The following NCALD variants were observed in gnomAD, a reference collection of about 807,000 sequenced individuals.
The protein encoded by NCALD is neurocalcin delta.
Under a neutral mutation model 18.6 loss-of-function variants are expected in NCALD, and 10 were observed. That is an observed-to-expected ratio of 0.54 (90% CI 0.33 to 0.91). The LOEUF is 0.91. Among genes scored for constraint, NCALD ranks in the 40% least tolerant of loss-of-function variants. The probability of loss-of-function intolerance (pLI) is 0.03; values close to 1 mark genes in which losing one functional copy is unlikely to be tolerated. For missense variants in NCALD, 184 were observed against 247.6 expected, an observed-to-expected ratio of 0.74 and a Z score of 1.72; for synonymous variants, 88 against 87.4, an observed-to-expected ratio of 1.01 and a Z score of -0.04.
intron 1 of NCALD, among the ~76,000 whole-genome samples, chr8:102,112,481 T>TAA (rs541124396): frequency 3.4e-5 from 5 of 147,428 alleles, no homozygotes; most frequent in South Asian, 2.1e-4. Context: ...CAAACTGTGA[T>TAA]AAAAAAAAAA....
chr8:101,989,648 G>A (rs904541112), intron 2 of NCALD, among the ~76,000 whole-genome samples: 1 of 152,156 alleles, frequency 6.6e-6, no homozygotes, highest in African/African-American at 2.4e-5. Context: ...TTCTTAGATT[G>A]ACGGACTATA....
rs1228689096 is a variant in NCALD, at chr8:101,855,514, G to A, written c.-20+31627C>T. On this transcript the variant is annotated intron_variant, in intron 4 of 6. Transcript: ENST00000311028. The stretch of plus-strand genomic sequence containing the variant: ...TTCAATAAGCCACTGAGATTTGGGG[G>A]GCTGTTTGTTAGAGCAGCATAATAT... 2.0e-5 allele frequency among the ~76,000 whole-genome samples: 3 copies of A among 152,104 alleles called. No individual in the cohort carries two copies. In the East Asian group the frequency reaches 5.8e-4, roughly 29 times the overall value.
intron 1 of NCALD, among the ~76,000 whole-genome samples, chr8:102,117,682 C>G (rs530378733): frequency 6.6e-6 from 1 of 151,552 alleles, no homozygotes; most frequent in South Asian, 2.1e-4. Context: ...CATGTTGTCA[C>G]TCCCATCAAG....
At chr8:102,036,486 C>T (rs971588450) in intron 1 of NCALD, among the ~76,000 whole-genome samples, 23 of 151,528 alleles carry the variant, frequency 1.5e-4, no homozygotes, top group Admixed American at 1.1e-3. Context: ...ATCAAAACAA[C>T]ATAAGAGGCC....
chr8:101,998,821 A>G (rs2132015216), intron 2 of NCALD, among the ~76,000 whole-genome samples: 1 of 152,310 alleles, frequency 6.6e-6, no homozygotes, highest in South Asian at 2.1e-4. Context: ...CAGTGTAACC[A>G]GTTTTTAAAA....
intron 1 of NCALD, among the ~76,000 whole-genome samples, chr8:102,114,689 T>G (rs1413348775): frequency 6.6e-6 from 1 of 152,096 alleles, no homozygotes; most frequent in African/African-American, 2.4e-5. Flanking sequence ...CTCACTCTCC[T>G]CCCACCCTCC....
intron 2 of NCALD, among the ~76,000 whole-genome samples, chr8:102,000,706 C>A (rs1202001258): frequency 6.6e-6 from 1 of 152,216 alleles, no homozygotes; most frequent in Non-Finnish European, 1.5e-5. Flanking sequence ...GGCAACAACA[C>A]TTGCTGTTCA....
Position 101,742,857 on chromosome 8 carries a change from T to C in NCALD, c.-19-23209A>G, listed in dbSNP as rs747082345. On this transcript the variant is annotated intron_variant, in intron 1 of 3. Transcript: ENST00000220931. ...CCTGGACAGGCCCCAATATGTGTTG[T>C]TCCCCCTCCCCTGTGTCCCTGTGTT... Among the ~76,000 whole-genome samples, 39 of 152,188 alleles carry C rather than the reference T, an allele frequency of 2.6e-4. No homozygotes were observed. The Middle Eastern group carries it at 0.014, about 53-fold the overall frequency.
chr8:101,908,018 C>T (rs1348057389), intron 3 of NCALD, among the ~76,000 whole-genome samples: 1 of 152,126 alleles, frequency 6.6e-6, no homozygotes, highest in African/African-American at 2.4e-5. Flanking sequence ...ATTTTAACTA[C>T]ACAAGAATAG....
Position 101,987,803 on chromosome 8 carries a change from G to T in NCALD, c.-157+32434C>A, listed in dbSNP as rs1820871717. 4.6e-5 allele frequency among the ~76,000 whole-genome samples: 7 copies of T among 152,224 alleles called. No individual in the cohort carries two copies. In the South Asian group the frequency reaches 1.5e-3, roughly 32 times the overall value. ...AGCATAACCTAGATCAACAAGATCT[G>T]ACACACAGACTGACACAGTAGCACA... On this transcript the variant is annotated intron_variant, in intron 2 of 6. Transcript: ENST00000311028.
In NCALD at chr8:101,916,394, A is replaced by G. The variant is rs1586749379; in HGVS notation, c.-156-536T>C. On this transcript the variant is annotated intron_variant, in intron 2 of 6. Transcript: ENST00000311028. ...AGAAAGTTCTAAACATGGAAACAAA[A>G]GAATGATACTTGCTACCACAAAAGC... is the stretch of plus-strand genomic sequence containing the variant. Among the ~76,000 whole-genome samples the G allele has an allele frequency of 3.3e-5, 5 of 152,334 alleles. No homozygotes were observed. In the South Asian group the frequency reaches 1.0e-3, roughly 32 times the overall value.
chr8:101,993,827 C>T (rs950711843), intron 2 of NCALD, among the ~76,000 whole-genome samples: 4 of 152,188 alleles, frequency 2.6e-5, no homozygotes, highest in Admixed American at 6.5e-5. Flanking sequence ...CACTGTGCGA[C>T]GTGCTAAACT....
At chr8:101,879,019 T>C (rs1247303522) in intron 4 of NCALD, among the ~76,000 whole-genome samples, 4 of 152,238 alleles carry the variant, frequency 2.6e-5, no homozygotes. Flanking sequence ...AATACAGATA[T>C]TGCAAGTAGT....
At chr8:101,723,595 A>T (rs1183548979) in intron 1 of NCALD, among the ~76,000 whole-genome samples, 1 of 152,196 alleles carries the variant, frequency 6.6e-6, no homozygotes, top group Non-Finnish European at 1.5e-5. Context: ...CCAATAAAAA[A>T]AGGACTCCAA....
chr8:102,078,888 G>A (rs1224172588), intron 1 of NCALD, among the ~76,000 whole-genome samples: 2 of 152,146 alleles, frequency 1.3e-5, no homozygotes, highest in Non-Finnish European at 2.9e-5. Context: ...AGGAGACCAG[G>A]GCTTAAAACA....
At chr8:101,998,169 G>C (rs1329821425) in intron 2 of NCALD, among the ~76,000 whole-genome samples, 2 of 152,072 alleles carry the variant, frequency 1.3e-5, no homozygotes, top group African/African-American at 4.8e-5. Context: ...GGCAAACAGG[G>C]TCTTTATGCA....
chr8:101,774,097 G>T (rs1047541402), intron 1 of NCALD, among the ~76,000 whole-genome samples: 1 of 152,134 alleles, frequency 6.6e-6, no homozygotes, highest in Admixed American at 6.5e-5. Context: ...TATAAATAGG[G>T]ATCTAGAATG....
chr8:101,906,614 T>G (rs900376148), intron 3 of NCALD, among the ~76,000 whole-genome samples: 2 of 152,256 alleles, frequency 1.3e-5, no homozygotes, highest in African/African-American at 2.4e-5. Flanking sequence ...TACTTTGTGT[T>G]CCTTCCAAAC....
rs192307263 is a variant in NCALD, at chr8:102,099,950, C to T, written c.-210+24287G>A. Reference sequence around the variant, plus strand: ...TTGCATCACTGCACTCCAGCCTGGACAACAGAGTAAGACAGAGCAAGACTC... The same window carrying T: ...TTGCATCACTGCACTCCAGCCTGGATAACAGAGTAAGACAGAGCAAGACTC... On this transcript the variant is annotated intron_variant, in intron 1 of 6. Transcript: ENST00000311028. 2.9e-5 allele frequency among the ~76,000 whole-genome samples: 4 copies of T among 137,840 alleles called. No homozygotes were observed. In the East Asian group the frequency reaches 8.4e-4, roughly 29 times the overall value. The allele number at this position is 137,840 out of a possible 152,430, so 90.4% of individuals were successfully genotyped here. A position where few individuals can be genotyped will look rare whatever the true frequency, so the allele number is the denominator to read the frequency against.
Sources: gnomAD v4.1 joint callset for allele counts (sites outside exome capture counted in the v4.1 genomes callset) on GRCh38, gnomAD v4.1.1 for gene constraint, MANE v1.5 for transcripts, NCBI Gene and HGNC (gene_info 2026-07-23, HGNC 2026-07-21) for gene names.